LRP2: variants seen among roughly 807,000 people sequenced by gnomAD.
LRP2 encodes the protein LDL receptor related protein 2, also known as low-density lipoprotein receptor-related protein 2.
LRP2 carries 172 observed loss-of-function variants against 531.0 expected under a neutral mutation model. The observed-to-expected ratio is 0.32, with a 90% CI of 0.29 to 0.37. LRP2 has a LOEUF of 0.37. Ranked by LOEUF, LRP2 falls within the 10% of genes least tolerant of loss-of-function variation. The pLI, the probability that LRP2 is intolerant of heterozygous loss-of-function variation, is 1.00. For missense variants in LRP2, 5,167 were observed against 5,868.3 expected (o/e 0.88, Z 3.90); for synonymous variants, 1,992 against 2,027.6 (o/e 0.98, Z 0.47).
rs140051628 is a variant in LRP2 at position 169,280,412 on chromosome 2, C to T, written c.1279G>A (p.Val427Met). 4.2e-5 allele frequency: 68 copies of T among 1,614,190 alleles called. No individual in the cohort carries two copies. Among genetic ancestry groups the T allele is most frequent in the Admixed American group, 1.2e-4 (7 of 60,024 alleles). Residue 427 changes from valine (V) to methionine (M), a missense_variant, in exon 11 of 79, where the codon GTG becomes ATG. By Grantham distance (21) the Val-to-Met change is conservative. This residue lies in a region of LRP2 where 2,811 missense variants were observed against 3,058.0 expected (regional missense o/e 0.92). Transcript: ENST00000649046. ...AGGTGATAGTGGAAAGCCACACCCA[C>T]GGCCACTCCACGATTCTGAGACTCC... ...LVESQNRGVA[V>M]GVAFHYHLQR...
chr2:169,305,958 G>A (rs1331244762), intron 4 of LRP2, among the ~76,000 whole-genome samples: 1 of 152,026 alleles, frequency 6.6e-6, no homozygotes, highest in Non-Finnish European at 1.5e-5. Context: ...GTTTACCCTA[G>A]GTGTGCAGTA....
At position 169,202,700 on chromosome 2, in the gene LRP2, C is replaced by T. The variant is rs1029873181; in HGVS notation, c.8209+56G>A. ...ACACATAGCAGGATTCCATACCAAA[C>T]ACTTGACATCAAGATGCCATTAGCT... On this transcript the variant is annotated intron_variant, in intron 43 of 78. Coordinates refer to ENST00000649046, the MANE Select transcript of LRP2 (RefSeq NM_004525.3). The T allele has an allele frequency of 5.4e-5, 84 of 1,555,580 alleles. No individual in the cohort carries two copies. In the African/African-American group the frequency reaches 1.1e-3, roughly 20 times the overall value.
intron 58 of LRP2, among the ~76,000 whole-genome samples, chr2:169,170,917 C>G (rs1379537223): frequency 4.6e-5 from 5 of 107,614 alleles, no homozygotes; most frequent in African/African-American, 1.4e-4. Flanking sequence ...TGCTCTCTCT[C>G]TCTGTTTTTT....
intron 28 of LRP2, 44 bp downstream of exon 28, chr2:169,237,059 T>A: frequency 6.6e-7 from 1 of 1,517,118 alleles, no homozygotes; most frequent in Non-Finnish European, 9.2e-7. Context: ...TTTTCCCTCA[T>A]CATAACCATG....
At chr2:169,219,423 T>G (rs1024353329) in intron 34 of LRP2, among the ~76,000 whole-genome samples, 1 of 152,266 alleles carries the variant, frequency 6.6e-6, no homozygotes, top group East Asian at 1.9e-4. Flanking sequence ...CAGAATGAAA[T>G]AGCCAATCAA....
chr2:169,244,042 T>C (rs143433033), intron 22 of LRP2, among the ~76,000 whole-genome samples: 29 of 152,268 alleles, frequency 1.9e-4, no homozygotes, highest in African/African-American at 6.5e-4. Context: ...ACCCACAACA[T>C]GAAATTATAT....
rs142493110 is a variant in LRP2, at chr2:169,178,927, G to A, written c.10170-901C>T. On this transcript the variant is annotated intron_variant, in intron 52 of 78. Transcript: ENST00000649046. ...AAAAGTCATAGGAAAACTTGAAGAT[G>A]TGCTTGGCCTTTGTTGATAAGGATG... Among the ~76,000 whole-genome samples, 6 of 152,248 alleles carry A rather than the reference G, an allele frequency of 3.9e-5. No individual in the cohort carries two copies. The East Asian group carries it at 1.2e-3, about 29-fold the overall frequency.
At chr2:169,174,578 C>T (rs1574097004) in intron 55 of LRP2, among the ~76,000 whole-genome samples, 2 of 152,118 alleles carry the variant, frequency 1.3e-5, no homozygotes, top group Non-Finnish European at 2.9e-5. Context: ...GGCACGATCT[C>T]GGCTCACTGC....
intron 8 of LRP2, among the ~76,000 whole-genome samples, chr2:169,290,591 T>G (rs1276805098): frequency 1.3e-5 from 2 of 152,160 alleles, no homozygotes; most frequent in Non-Finnish European, 2.9e-5. Flanking sequence ...TTTCAGCCTC[T>G]GGGTCAACAA....
chr2:169,147,203 G>C (rs1016843037), intron 68 of LRP2, among the ~76,000 whole-genome samples: 2 of 152,194 alleles, frequency 1.3e-5, no homozygotes, highest in African/African-American at 4.8e-5. Flanking sequence ...TGGATATTCA[G>C]ACCCTTTAAA....
chr2:169,352,311 A>G (rs1206432586), intron 1 of LRP2, among the ~76,000 whole-genome samples: 1 of 152,234 alleles, frequency 6.6e-6, no homozygotes, highest in African/African-American at 2.4e-5. Context: ...GCTGGCCAAA[A>G]AAGGAGGTGG....
intron 16 of LRP2, 119 bp from the exon 17 acceptor site, chr2:169,259,336 G>T: frequency 1.0e-5 from 5 of 499,982 alleles, no homozygotes; most frequent in Non-Finnish European, 1.0e-5. Flanking sequence ...GAACACATGT[G>T]GAATTCTTTA....
intron 29 of LRP2, among the ~76,000 whole-genome samples, chr2:169,233,936 T>A (rs1689507189): frequency 6.6e-6 from 1 of 152,096 alleles, no homozygotes; most frequent in South Asian, 2.1e-4. Context: ...ACTAGAGAGC[T>A]TAGAGACTCC....
At chr2:169,214,172 G>A (rs900789044) in intron 35 of LRP2, among the ~76,000 whole-genome samples, 2 of 152,034 alleles carry the variant, frequency 1.3e-5, no homozygotes, top group Non-Finnish European at 2.9e-5. Flanking sequence ...GTGATATTCT[G>A]GTCAAGGATA....
At chr2:169,220,641 T>C (rs947335404) in intron 33 of LRP2, 78 bp from the exon 34 acceptor site, 100 of 937,176 alleles carry the variant, frequency 1.1e-4, no homozygotes, top group Non-Finnish European at 1.6e-4. Context: ...AGAACTTATG[T>C]ACAAAACAAA....
chr2:169,316,657 T>C (rs2105509934), intron 3 of LRP2, among the ~76,000 whole-genome samples: 1 of 152,276 alleles, frequency 6.6e-6, no homozygotes, highest in East Asian at 1.9e-4. Context: ...TAGTTGAGTA[T>C]ACAAGACTCA....
chr2:169,244,869 C>A lies in LRP2; in HGVS notation c.3254G>T (p.Arg1085Leu), dbSNP rs763132620. The change falls in exon 22 of 79, where the codon CGC becomes CTC. Residue 1085 changes from arginine to leucine, a missense_variant. Physicochemically the swap from Arg to Leu is moderately radical, Grantham distance 102. Around this residue, in one of 6 missense-constraint regions of LRP2, gnomAD observed 2,811 missense variants for 3,058.0 expected, o/e 0.92. Transcript: ENST00000649046. ...GHGECIPAHW[R>L]CDKRNDCVDG... is the part of the protein sequence containing the mutation. ...CACACAGTCGTTGCGTTTGTCACAG[C>A]GCCAGTGTGCAGGAATGCACTCCCC... 1.2e-6 allele frequency: 2 copies of A among 1,614,052 alleles called. No individual in the cohort carries two copies. Among genetic ancestry groups the A allele is most frequent in the African/African-American group, 1.3e-5 (1 of 74,920 alleles).
intron 16 of LRP2, among the ~76,000 whole-genome samples, chr2:169,259,733 AAAC>A (rs954537422): frequency 4.0e-5 from 2 of 50,604 alleles, no homozygotes; most frequent in African/African-American, 1.2e-4. Flanking sequence ...AACTGATTAA[AAAC>A]AACAACAACA....
chr2:169,289,473 C>G (rs1683944813), intron 8 of LRP2, among the ~76,000 whole-genome samples: 1 of 152,126 alleles, frequency 6.6e-6, no homozygotes, highest in Admixed American at 6.5e-5. Flanking sequence ...AGGAGGATCA[C>G]TTGAGCCCAA....
Sources: gnomAD v4.1 joint callset for allele counts (sites outside exome capture counted in the v4.1 genomes callset) on GRCh38, gnomAD v4.1.1 for gene constraint, gnomAD v4.1.1 regional missense constraint, MANE v1.5 for transcripts, NCBI Gene and HGNC (gene_info 2026-07-23, HGNC 2026-07-21) for gene names.